Variants in KCNT1 observed in about 807,000 individuals in gnomAD.
The protein encoded by KCNT1 is potassium sodium-activated channel subfamily T member 1.
Under a neutral mutation model 147.8 loss-of-function variants are expected in KCNT1, and 78 were observed. The observed-to-expected ratio is 0.53, with a 90% CI of 0.44 to 0.64. The LOEUF (loss-of-function observed/expected upper bound fraction) is 0.64, where lower values mean the gene tolerates loss of function less well. Among genes scored for constraint, KCNT1 ranks in the 30% least tolerant of loss-of-function variants. The pLI, the probability that KCNT1 is intolerant of heterozygous loss-of-function variation, is 0.00. For synonymous variants in KCNT1, 867 were observed against 748.8 expected, an observed-to-expected ratio of 1.16 and a Z score of -2.58; for missense variants, 1,419 against 1,750.3, an observed-to-expected ratio of 0.81 and a Z score of 3.38.
chr9:135,786,738 G>T (rs1306767304), intron 29 of KCNT1, among the ~76,000 whole-genome samples: 1 of 152,356 alleles, frequency 6.6e-6, no homozygotes, highest in South Asian at 2.1e-4. Flanking sequence ...TGCAGAGGAG[G>T]GAAGTGGCCA....
At chr9:135,753,850 C>T (rs1031862489) in intron 4 of KCNT1, 87 bp from the exon 5 acceptor site, 7 of 1,442,096 alleles carry the variant, frequency 4.9e-6, no homozygotes, top group Non-Finnish European at 6.8e-6. Context: ...CCCCCATGAA[C>T]CCGAGCCTGT....
At chr9:135,783,048 G>A (rs895498550) in intron 24 of KCNT1, among the ~76,000 whole-genome samples, 10 of 152,190 alleles carry the variant, frequency 6.6e-5, no homozygotes, top group Non-Finnish European at 1.3e-4. Context: ...CTCCGTGGGC[G>A]CACACGCCTG....
In KCNT1 at chr9:135,788,365, T is replaced by C. The variant is rs569679520; in HGVS notation, c.3502+1844T>C. On this transcript the variant is annotated intron_variant, in intron 29 of 30. Transcript: ENST00000371757. ...CCTGGCTGGGCGTTGAGGACGGGCC[T>C]GAGGCTGAGGTCTGGGGCTTGTGCT... Among the ~76,000 whole-genome samples, 7 of 152,368 alleles carry C rather than the reference T, an allele frequency of 4.6e-5. No individual in the cohort carries two copies. In the South Asian group the frequency reaches 1.4e-3, roughly 32 times the overall value.
At chr9:135,743,647 C>T (rs890549609) in intron 2 of KCNT1, among the ~76,000 whole-genome samples, 28 of 152,358 alleles carry the variant, frequency 1.8e-4, no homozygotes, top group Admixed American at 1.4e-3. Context: ...CCACCCCAGG[C>T]TCCCGAGGAG....
intron 24 of KCNT1, among the ~76,000 whole-genome samples, chr9:135,782,430 C>T (rs1487785604): frequency 6.6e-6 from 1 of 152,168 alleles, no homozygotes; most frequent in African/African-American, 2.4e-5. Context: ...TGTGATCTCT[C>T]CTCCTCACCA....
intron 11 of KCNT1, among the ~76,000 whole-genome samples, chr9:135,761,666 C>T (rs62583501): frequency 0.17 from 25,721 of 152,292 alleles, 2,487 homozygotes; most frequent in Non-Finnish European, 0.22. Flanking sequence ...CACTTCACCA[C>T]GTGGCCGGCA....
At chr9:135,745,338 G>A (rs904494300) in intron 2 of KCNT1, among the ~76,000 whole-genome samples, 9 of 152,130 alleles carry the variant, frequency 5.9e-5, no homozygotes, top group Non-Finnish European at 1.3e-4. Flanking sequence ...CCCAGCTCCT[G>A]GGAGCAACTT....
chr9:135,778,329 G>A, intron 21 of KCNT1, 95 bp from the exon 22 acceptor site: 1 of 1,167,806 alleles, frequency 8.6e-7, no homozygotes, highest in Non-Finnish European at 1.2e-6. Context: ...CCCCTGCCTG[G>A]CCCAGCTCTG....
chr9:135,765,079 A>C lies in KCNT1; in HGVS notation c.1084A>C (p.Asn362His). 1 of 1,613,160 alleles carries C rather than the reference A, an allele frequency of 6.2e-7. No homozygotes were observed. The highest frequency in any genetic ancestry group is 8.5e-7 in the Non-Finnish European group (1 of 1,179,844). ...LWMERQKSGGNYSRHRAQTEK... is the reference protein window; with the variant it reads ...LWMERQKSGGHYSRHRAQTEK... ...GATGGAGCGGCAGAAGTCAGGGGGC[A>C]ACTACAGCCGCCACCGTGCGCAGAC... The change falls in exon 12 of 31, where the codon AAC becomes CAC. Residue 362 changes from asparagine to histidine, a missense_variant. Transcript: ENST00000371757.
At chr9:135,767,061 AC>A (rs1045846005) in intron 13 of KCNT1, among the ~76,000 whole-genome samples, 1 of 151,840 alleles carries the variant, frequency 6.6e-6, no homozygotes, top group African/African-American at 2.4e-5. Context: ...TCCCTGGAAA[AC>A]CCTCCTGGTG....
chr9:135,746,373 G>A (rs1830834166), intron 2 of KCNT1, among the ~76,000 whole-genome samples: 4 of 152,216 alleles, frequency 2.6e-5, no homozygotes. Flanking sequence ...GGGGGGCTCA[G>A]TGCTCTTGTT....
rs1834704575 is a variant in KCNT1 at position 135,793,830 on chromosome 9, G to A, written c.*1669G>A. ...TCAGGGGACCAGAAAGTAAGTCCCA[G>A]GACCTTGATGGAGCGGCAGGGATTG... On this transcript the variant is annotated 3_prime_UTR_variant, in exon 31 of 31. Transcript: ENST00000371757. 6.6e-6 allele frequency: 1 copy of A among 152,552 alleles called. No homozygotes were observed. Among genetic ancestry groups the A allele is most frequent in the South Asian group, 2.1e-4 (1 of 4,838 alleles). 9.4% of individuals were successfully genotyped at this position (152,552 alleles called of 1,614,324 possible). A position where few individuals can be genotyped will look rare whatever the true frequency, so the allele number is the denominator to read the frequency against.
chr9:135,787,627 G>A (rs570546223), intron 29 of KCNT1, among the ~76,000 whole-genome samples: 24 of 152,184 alleles, frequency 1.6e-4, no homozygotes, highest in African/African-American at 4.6e-4. Context: ...CTGCGGGCCC[G>A]AAGGAGACTC....
chr9:135,784,516 TC>T lies in KCNT1; in HGVS notation c.2944-16del. On this transcript the variant is annotated intron_variant, in intron 25 of 30. Coordinates refer to ENST00000371757, the MANE Select transcript of KCNT1 (RefSeq NM_020822.3). Reference sequence around the variant, plus strand: ...CTCCCTCCCTCCCTCCCTCCCTCCCTCCCTCCCTCCCTGGCCAGTCCTTCGT... The same window carrying T: ...CTCCCTCCCTCCCTCCCTCCCTCCCTCCTCCCTCCCTGGCCAGTCCTTCGT... The T allele has an allele frequency of 1.2e-5, 2 of 164,474 alleles. No individual in the cohort carries two copies. Among genetic ancestry groups the T allele is most frequent in the South Asian group, 4.4e-5 (1 of 22,798 alleles). 10.2% of individuals were successfully genotyped at this position (164,474 alleles called of 1,614,324 possible). A position where few individuals can be genotyped will look rare whatever the true frequency, so the allele number is the denominator to read the frequency against.
intron 2 of KCNT1, among the ~76,000 whole-genome samples, chr9:135,727,357 TTCTC>T (rs1245039339): frequency 1.5e-5 from 1 of 67,558 alleles, no homozygotes; most frequent in Non-Finnish European, 3.0e-5. Context: ...CTCTTTCCCA[TTCTC>T]TCTCTCTCTC....
At chr9:135,742,624 G>A in intron 2 of KCNT1, 1 of 653,292 alleles carries the variant, frequency 1.5e-6, no homozygotes, top group Non-Finnish European at 2.8e-6. Context: ...GAGCCTCCCT[G>A]CGTGTCTGTG....
intron 2 of KCNT1, among the ~76,000 whole-genome samples, chr9:135,742,167 G>A (rs1050568670): frequency 6.6e-6 from 1 of 152,232 alleles, no homozygotes; most frequent in Admixed American, 6.5e-5. Flanking sequence ...CTGAGCCCTG[G>A]CTTGTCCTAT....
rs760590547 is a variant in KCNT1, at chr9:135,778,410, C to T, written c.2523-14C>T. On this transcript the variant is annotated splice_polypyrimidine_tract_variant and intron_variant, in intron 21 of 30. Coordinates refer to ENST00000371757, the MANE Select transcript of KCNT1 (RefSeq NM_020822.3). ...GAAGCAGGGTGGGCCCCTCCAGGAC[C>T]GCTGTCCCCACAGGCCCGACCACCA... The T allele has an allele frequency of 1.5e-5, 23 of 1,550,182 alleles. No individual in the cohort carries two copies. Among genetic ancestry groups the T allele is most frequent in the South Asian group, 4.8e-5 (4 of 84,050 alleles).
chr9:135,758,552 G>A lies in KCNT1; in HGVS notation c.854+44G>A, dbSNP rs1158356391. ...TGTGAGCACCCCAGGACGTTGGGAG[G>A]GCCCGAGAGGCAAGCAGGGCCGGGC... On this transcript the variant is annotated intron_variant, in intron 10 of 30. Transcript: ENST00000371757. 3 of 1,505,862 alleles carry A rather than the reference G, an allele frequency of 2.0e-6. No individual in the cohort carries two copies. The Admixed American group carries it at 5.0e-5, about 25-fold the overall frequency. The allele number at this position is 1,505,862 out of a possible 1,614,324, so 93.3% of individuals were successfully genotyped here.
Sources: allele counts gnomAD v4.1 joint callset (sites outside exome capture counted in the v4.1 genomes callset), GRCh38; gene constraint gnomAD v4.1.1; transcripts MANE v1.5; gene names NCBI Gene and HGNC (gene_info 2026-07-23, HGNC 2026-07-21).